LRRC7: variants seen among roughly 807,000 people sequenced by gnomAD.
LRRC7 encodes the protein leucine rich repeat containing 7.
A neutral mutation model predicts 175.7 loss-of-function variants in LRRC7; 23 were observed. The observed-to-expected ratio is 0.13, with a 90% CI of 0.09 to 0.19. The LOEUF (loss-of-function observed/expected upper bound fraction) is 0.19, where lower values mean the gene tolerates loss of function less well. Among genes scored for constraint, LRRC7 ranks in the 10% least tolerant of loss-of-function variants. The probability of loss-of-function intolerance (pLI) is 1.00; values close to 1 mark genes in which losing one functional copy is unlikely to be tolerated. For synonymous variants in LRRC7, 685 were observed against 680.9 expected (o/e 1.01, Z -0.09); for missense variants, 1,354 against 1,904.7 (o/e 0.71, Z 5.38).
intron 25 of LRRC7, among the ~76,000 whole-genome samples, chr1:70,096,934 A>G (rs1461088665): frequency 6.6e-6 from 1 of 152,186 alleles, no homozygotes; most frequent in East Asian, 1.9e-4. Flanking sequence ...CTACCCCTTC[A>G]TTCATCAGCC....
intron 5 of LRRC7, among the ~76,000 whole-genome samples, chr1:69,834,456 A>T (rs1464908170): frequency 6.6e-6 from 1 of 152,152 alleles, no homozygotes; most frequent in East Asian, 1.9e-4. Context: ...AAGCCAAACA[A>T]CTTGAGATTT....
intron 3 of LRRC7, among the ~76,000 whole-genome samples, chr1:69,780,929 T>C (rs1248263701): frequency 6.6e-6 from 1 of 152,200 alleles, no homozygotes; most frequent in African/African-American, 2.4e-5. Context: ...AAAGGATTTA[T>C]CTTTTGAAAA....
At chr1:69,627,329 G>T (rs1339939090) in intron 1 of LRRC7, among the ~76,000 whole-genome samples, 1 of 152,224 alleles carries the variant, frequency 6.6e-6, no homozygotes, top group Non-Finnish European at 1.5e-5. Flanking sequence ...GGCCAGTGAT[G>T]ATGAGCATTT....
intron 13 of LRRC7, among the ~76,000 whole-genome samples, chr1:70,014,443 G>A (rs1656798971): frequency 1.3e-5 from 2 of 151,920 alleles, no homozygotes; most frequent in Admixed American, 1.3e-4. Flanking sequence ...ACATAGAGGA[G>A]CTCACAATGT....
intron 1 of LRRC7, among the ~76,000 whole-genome samples, chr1:69,648,290 G>A (rs893772078): frequency 5.3e-5 from 8 of 151,868 alleles, no homozygotes; most frequent in African/African-American, 1.9e-4. Context: ...AATAATACTC[G>A]AGGTGTTATG....
At chr1:69,672,634 CA>C (rs1659237598) in intron 1 of LRRC7, among the ~76,000 whole-genome samples, 1 of 152,108 alleles carries the variant, frequency 6.6e-6, no homozygotes, top group Admixed American at 6.6e-5. Flanking sequence ...TCTATTATCC[CA>C]ACTCCCTTTT....
At chr1:70,006,657 T>A (rs1557980347) in intron 11 of LRRC7, among the ~76,000 whole-genome samples, 2 of 152,022 alleles carry the variant, frequency 1.3e-5, no homozygotes, top group Non-Finnish European at 2.9e-5. Flanking sequence ...CACACCTACC[T>A]GAAGTTAGAA....
intron 1 of LRRC7, among the ~76,000 whole-genome samples, chr1:69,571,820 A>G (rs950049583): frequency 3.9e-5 from 6 of 152,176 alleles, no homozygotes; most frequent in Admixed American, 6.5e-5. Flanking sequence ...CCAATTATTG[A>G]TGAATTATCA....
intron 7 of LRRC7, among the ~76,000 whole-genome samples, chr1:69,895,594 T>A (rs1451796082): frequency 1.3e-5 from 2 of 152,186 alleles, no homozygotes; most frequent in African/African-American, 4.8e-5. Flanking sequence ...CAAGGCACTG[T>A]TCACCCCACT....
intron 1 of LRRC7, among the ~76,000 whole-genome samples, chr1:69,601,219 A>C (rs970812125): frequency 6.6e-6 from 1 of 152,204 alleles, no homozygotes; most frequent in African/African-American, 2.4e-5. Flanking sequence ...TCCGCTGACA[A>C]AGCAAGGAAA....
chr1:69,937,233 G>T (rs558350578), intron 8 of LRRC7, among the ~76,000 whole-genome samples: 18 of 152,088 alleles, frequency 1.2e-4, no homozygotes, highest in Middle Eastern at 3.4e-3. Context: ...AACTATCATT[G>T]TCTGATTCCT....
chr1:69,948,604 G>A (rs1461610213), intron 8 of LRRC7, among the ~76,000 whole-genome samples: 1 of 152,046 alleles, frequency 6.6e-6, no homozygotes, highest in Non-Finnish European at 1.5e-5. Flanking sequence ...GCAGTAGGGG[G>A]CCCTTCTTTA....
intron 7 of LRRC7, among the ~76,000 whole-genome samples, chr1:69,910,165 C>T (rs1182139779): frequency 6.6e-6 from 1 of 151,798 alleles, no homozygotes; most frequent in Non-Finnish European, 1.5e-5. Flanking sequence ...TCTAGTTATC[C>T]ATTCTAGTTA....
intron 4 of LRRC7, among the ~76,000 whole-genome samples, chr1:69,797,944 C>T (rs192819398): frequency 5.3e-5 from 8 of 152,036 alleles, no homozygotes; most frequent in South Asian, 2.1e-4. Flanking sequence ...TTTTTTGAGA[C>T]GGAGTCTTGC....
chr1:69,642,007 T>A (rs891570348), intron 1 of LRRC7, among the ~76,000 whole-genome samples: 4 of 151,924 alleles, frequency 2.6e-5, no homozygotes, highest in African/African-American at 9.7e-5. Flanking sequence ...ATGGTAGCAT[T>A]AAAATAATTC....
At chr1:69,924,107 A>G (rs1312218349) in intron 7 of LRRC7, among the ~76,000 whole-genome samples, 11 of 152,100 alleles carry the variant, frequency 7.2e-5, no homozygotes, top group Admixed American at 6.5e-4. Flanking sequence ...AAGATCAGAT[A>G]GTTGTAGATA....
chr1:69,987,756 A>G (rs1003273536), intron 10 of LRRC7, among the ~76,000 whole-genome samples: 10 of 152,228 alleles, frequency 6.6e-5, no homozygotes, highest in Non-Finnish European at 1.5e-4. Flanking sequence ...TTTGAGGCTG[A>G]TAAAGAACAT....
chr1:69,908,704 AGGTGTGG>A (rs1557875682), intron 7 of LRRC7, among the ~76,000 whole-genome samples: 1 of 51,416 alleles, frequency 1.9e-5, no homozygotes, highest in South Asian at 1.0e-3. Context: ...ATTTTGGAAT[AGGTGTGG>A]TGTGTGGTGT....
chr1:69,740,286 G>A (rs1350524178), intron 2 of LRRC7, among the ~76,000 whole-genome samples: 1 of 152,062 alleles, frequency 6.6e-6, no homozygotes, highest in Non-Finnish European at 1.5e-5. Flanking sequence ...TCCATGGTTT[G>A]CAGATGGCTC....
Sources: gnomAD v4.1 joint callset for allele counts (sites outside exome capture counted in the v4.1 genomes callset) on GRCh38, gnomAD v4.1.1 for gene constraint, MANE v1.5 for transcripts, NCBI Gene and HGNC (gene_info 2026-07-23, HGNC 2026-07-21) for gene names.